SCFD2: variants seen among roughly 807,000 people sequenced by gnomAD.
SCFD2 encodes the protein sec1 family domain-containing protein 2.
A neutral mutation model predicts 58.9 loss-of-function variants in SCFD2; 54 were observed. The ratio of observed to expected loss-of-function variants is 0.92; its 90% CI spans 0.74 to 1.15. SCFD2 has a LOEUF of 1.15. SCFD2 is among the 50% of genes most tolerant of loss of function. SCFD2 has a pLI of 0.00. For synonymous variants in SCFD2, 321 were observed against 335.9 expected, an observed-to-expected ratio of 0.96 and a Z score of 0.49; for missense variants, 805 against 836.6, an observed-to-expected ratio of 0.96 and a Z score of 0.47.
intron 2 of SCFD2, among the ~76,000 whole-genome samples, chr4:53,339,852 A>G (rs1437999345): frequency 6.6e-6 from 1 of 152,250 alleles, no homozygotes. Context: ...AAGACTGGAT[A>G]AAAGAAACAC....
At position 53,365,796 on chromosome 4, in the gene SCFD2, A is replaced by T. The variant is rs1489687831; in HGVS notation, c.146T>A (p.Val49Glu). 6.2e-7 allele frequency: 1 copy of T among 1,613,138 alleles called. No individual in the cohort carries two copies. The highest frequency in any genetic ancestry group is 8.5e-7 in the Non-Finnish European group (1 of 1,179,800). ...TCGCAGGTGACAGTCAGGACCCCCCACCGCCTCCAGGAGACGGGTGGATCC... is the reference window on the plus strand; with the variant it reads ...TCGCAGGTGACAGTCAGGACCCCCCTCCGCCTCCAGGAGACGGGTGGATCC... Reference protein sequence around the residue: ...GCGSTRLLEAVGGPDCHLREF... With the variant: ...GCGSTRLLEAEGGPDCHLREF... Residue 49 changes from valine to glutamate, a missense_variant, in exon 1 of 9, where the codon GTG becomes GAG. By Grantham distance (121) the Val-to-Glu change is moderately radical. Coordinates refer to ENST00000401642, the MANE Select transcript of SCFD2 (RefSeq NM_152540.4). This position sits in a 1 kb window ranked among gnomAD's most constrained non-coding sequence, Gnocchi z 4.3.
intron 5 of SCFD2, among the ~76,000 whole-genome samples, chr4:53,119,089 G>A (rs1017113369): frequency 6.6e-6 from 1 of 152,052 alleles, no homozygotes; most frequent in Non-Finnish European, 1.5e-5. Context: ...AAGCCGAGGT[G>A]GGTAAATCAC....
rs551158007 is a variant in SCFD2, at chr4:53,274,022, C to T, written c.1136-21G>A. On this transcript the variant is annotated intron_variant, in intron 3 of 8. Transcript: ENST00000401642. ...TCTCCCTGGAAACATAAGAATTTAT[C>T]AGTGTACCCCCTTCTGGGAATAGTA... The T allele has an allele frequency of 3.8e-6, 6 of 1,588,806 alleles. No homozygotes were observed. The Admixed American group carries it at 1.0e-4, about 28-fold the overall frequency.
intron 4 of SCFD2, among the ~76,000 whole-genome samples, chr4:53,199,635 A>G (rs28704944): frequency 0.09 from 13,621 of 152,028 alleles, 1,030 homozygotes; most frequent in South Asian, 0.21. Flanking sequence ...GTGGGACTTC[A>G]GATTGAGCTC....
intron 5 of SCFD2, among the ~76,000 whole-genome samples, chr4:53,059,467 C>T (rs1480575007): frequency 6.6e-6 from 1 of 152,114 alleles, no homozygotes; most frequent in Non-Finnish European, 1.5e-5. Flanking sequence ...CCTCTATGTG[C>T]CAAATAGCCC....
chr4:53,354,266 G>A lies in SCFD2; in HGVS notation c.839-1500C>T, dbSNP rs554320461. 6.6e-5 allele frequency among the ~76,000 whole-genome samples: 10 copies of A among 152,330 alleles called. 1 individual carries two copies. Among genetic ancestry groups the A allele is most frequent in the East Asian group, 5.8e-4 (3 of 5,176 alleles). ...GCTGAGGCCTGGCGAGAATTCAATC[G>A]TGGTGTGGGTGGGCTGGGAGTGCTG... On this transcript the variant is annotated intron_variant, in intron 1 of 8. Coordinates refer to ENST00000401642, the MANE Select transcript of SCFD2 (RefSeq NM_152540.4).
chr4:53,009,103 G>T (rs563063795), intron 5 of SCFD2, among the ~76,000 whole-genome samples: 7 of 151,222 alleles, frequency 4.6e-5, no homozygotes, highest in African/African-American at 1.7e-4. Flanking sequence ...ATAAATGACT[G>T]TAAATTCCTA....
chr4:53,347,349 C>T (rs1672526768), intron 2 of SCFD2, among the ~76,000 whole-genome samples: 1 of 152,126 alleles, frequency 6.6e-6, no homozygotes, highest in Non-Finnish European at 1.5e-5. Flanking sequence ...ACAAATATCT[C>T]TTGAATGCCG....
intron 5 of SCFD2, among the ~76,000 whole-genome samples, chr4:52,983,556 A>G (rs1283317005): frequency 6.6e-6 from 1 of 152,176 alleles, no homozygotes; most frequent in Non-Finnish European, 1.5e-5. Flanking sequence ...ATAAATAAAT[A>G]AACTGCTTGA....
rs564851574 is a variant in SCFD2, at chr4:53,254,944, C to A, written c.1311+18882G>T. On this transcript the variant is annotated intron_variant, in intron 4 of 8. Transcript: ENST00000401642. Reference sequence around the variant, plus strand: ...CTGGAGTGCAGTGGCGCAATCTTGGCTCACTGCAAGCTCCGCCTCCTGGGT... The same window carrying A: ...CTGGAGTGCAGTGGCGCAATCTTGGATCACTGCAAGCTCCGCCTCCTGGGT... Among the ~76,000 whole-genome samples the A allele has an allele frequency of 2.7e-3, 404 of 150,096 alleles. 1 individual carries two copies. Among genetic ancestry groups the A allele is most frequent in the African/African-American group, 9.4e-3 (386 of 41,162 alleles).
intron 5 of SCFD2, among the ~76,000 whole-genome samples, chr4:53,001,372 G>A (rs138123581): frequency 2.6e-5 from 4 of 152,266 alleles, no homozygotes; most frequent in South Asian, 2.1e-4. Context: ...CCCTTTTAGC[G>A]TTACTGATTT....
At chr4:52,934,806 A>C (rs1720094527) in intron 5 of SCFD2, among the ~76,000 whole-genome samples, 1 of 152,274 alleles carries the variant, frequency 6.6e-6, no homozygotes. Context: ...AATATCCATT[A>C]ATAGGAGGAT....
At chr4:53,152,796 A>G (rs1274270689) in intron 4 of SCFD2, among the ~76,000 whole-genome samples, 13 of 152,230 alleles carry the variant, frequency 8.5e-5, no homozygotes, top group African/African-American at 2.7e-4. Context: ...TGGTATAGAA[A>G]TTGGGTAGAT....
chr4:53,248,851 G>A (rs988735019), intron 4 of SCFD2, among the ~76,000 whole-genome samples: 26 of 152,130 alleles, frequency 1.7e-4, no homozygotes, highest in Admixed American at 1.5e-3. Flanking sequence ...CACAAAGATG[G>A]GGAAAAAACA....
At chr4:53,063,329 T>C (rs1212793706) in intron 5 of SCFD2, among the ~76,000 whole-genome samples, 1 of 152,140 alleles carries the variant, frequency 6.6e-6, no homozygotes, top group East Asian at 1.9e-4. Flanking sequence ...CCATAATAAT[T>C]ATTCTGTATA....
At chr4:53,027,134 G>A (rs1446501411) in intron 5 of SCFD2, among the ~76,000 whole-genome samples, 1 of 152,134 alleles carries the variant, frequency 6.6e-6, no homozygotes, top group African/African-American at 2.4e-5. Context: ...TCCCTGAAGG[G>A]TTCTAAACTC....
chr4:53,101,453 T>C (rs1724830658), intron 5 of SCFD2, among the ~76,000 whole-genome samples: 1 of 152,178 alleles, frequency 6.6e-6, no homozygotes, highest in Admixed American at 6.6e-5. Flanking sequence ...AAGTTTAAAA[T>C]GTATCTGCTG....
chr4:53,275,957 G>T (rs1272885305), intron 3 of SCFD2, among the ~76,000 whole-genome samples: 3 of 151,830 alleles, frequency 2.0e-5, no homozygotes, highest in Non-Finnish European at 4.4e-5. Context: ...GAGTATTTGG[G>T]TTGCTTTCAA....
chr4:52,949,324 T>C (rs1720526403), intron 5 of SCFD2: 1 of 151,520 alleles, frequency 6.6e-6, no homozygotes, highest in African/African-American at 2.4e-5. Flanking sequence ...CAATGGCATC[T>C]TTTCCAATGT....
Sources: allele counts gnomAD v4.1 joint callset (sites outside exome capture counted in the v4.1 genomes callset), GRCh38; gene constraint gnomAD v4.1.1; non-coding constraint Gnocchi (gnomAD v3.1); transcripts MANE v1.5; gene names NCBI Gene and HGNC (gene_info 2026-07-23, HGNC 2026-07-21).